The following AUTS2 variants were observed in gnomAD, a reference collection of about 807,000 sequenced individuals.
AUTS2 encodes autism susceptibility gene 2 protein.
AUTS2 carries 17 observed loss-of-function variants against 112.4 expected under a neutral mutation model. The observed-to-expected ratio is 0.15, with a 90% CI of 0.10 to 0.23. The LOEUF (loss-of-function observed/expected upper bound fraction) is 0.23. Among genes scored for constraint, AUTS2 ranks in the 10% least tolerant of loss-of-function variants. The pLI, the probability that AUTS2 is intolerant of heterozygous loss-of-function variation, is 1.00. For synonymous variants in AUTS2, 751 were observed against 702.7 expected (o/e 1.07, Z -1.09); for missense variants, 1,510 against 1,701.6 (o/e 0.89, Z 1.98).
intron 13 of AUTS2, 77 bp from the exon 14 acceptor site, chr7:70,777,026 T>A (rs985342801): frequency 1.4e-6 from 2 of 1,449,688 alleles, no homozygotes; most frequent in African/African-American, 2.8e-5. Context: ...CAAAATCTGC[T>A]GAAAGCTTTG....
chr7:70,067,348 G>A (rs1802542188), intron 2 of AUTS2, among the ~76,000 whole-genome samples: 1 of 152,164 alleles, frequency 6.6e-6, no homozygotes, highest in African/African-American at 2.4e-5. Flanking sequence ...AAAGTAATAA[G>A]GAGGTACTAC....
intron 1 of AUTS2, among the ~76,000 whole-genome samples, chr7:69,638,705 G>A (rs910527879): frequency 2.0e-5 from 3 of 152,002 alleles, no homozygotes; most frequent in Non-Finnish European, 4.4e-5. Flanking sequence ...TTTACTTCAA[G>A]CAGTATTGCC....
chr7:70,030,708 C>A (rs1331721930), intron 2 of AUTS2, among the ~76,000 whole-genome samples: 1 of 152,072 alleles, frequency 6.6e-6, no homozygotes, highest in East Asian at 1.9e-4. Context: ...GTCATTGTAC[C>A]CAAAACTCTG....
intron 4 of AUTS2, among the ~76,000 whole-genome samples, chr7:70,371,840 T>G (rs945110388): frequency 6.6e-6 from 1 of 152,208 alleles, no homozygotes; most frequent in Non-Finnish European, 1.5e-5. Context: ...TATGCAAACC[T>G]TGACCTTTGT....
At chr7:70,423,853 C>T (rs1361253757) in intron 4 of AUTS2, among the ~76,000 whole-genome samples, 1 of 152,064 alleles carries the variant, frequency 6.6e-6, no homozygotes, top group Non-Finnish European at 1.5e-5. Context: ...TAAACACGTC[C>T]TGAGCAGAAA....
chr7:70,312,964 C>G (rs923738408), intron 4 of AUTS2, among the ~76,000 whole-genome samples: 1 of 152,190 alleles, frequency 6.6e-6, no homozygotes, highest in South Asian at 2.1e-4. Flanking sequence ...TCAGATTGCT[C>G]TAGTTGTGGA....
At chr7:70,394,628 G>C (rs1353198987) in intron 4 of AUTS2, among the ~76,000 whole-genome samples, 1 of 152,214 alleles carries the variant, frequency 6.6e-6, no homozygotes, top group East Asian at 1.9e-4. Context: ...GATTCTCAGT[G>C]GCACAGAGGA....
chr7:69,711,489 A>G (rs560164658), intron 1 of AUTS2, among the ~76,000 whole-genome samples: 24 of 152,120 alleles, frequency 1.6e-4, no homozygotes, highest in African/African-American at 5.5e-4. Flanking sequence ...TTAGAGATAC[A>G]TTTTTCTTGG....
At chr7:70,777,237 G>A (rs572517447) in intron 14 of AUTS2, 63 bp downstream of exon 14, 90 of 1,444,332 alleles carry the variant, frequency 6.2e-5, no homozygotes, top group South Asian at 4.7e-4. Flanking sequence ...TGACGTGCTC[G>A]GGAGAACCTG....
At chr7:69,641,438 A>G (rs1794793248) in intron 1 of AUTS2, among the ~76,000 whole-genome samples, 1 of 150,282 alleles carries the variant, frequency 6.7e-6, no homozygotes, top group Non-Finnish European at 1.5e-5. Context: ...GCCTTATCAT[A>G]ATCTGCTTTG....
rs79312337 is a variant in AUTS2 at position 70,127,452 on chromosome 7, C to T, written c.625-7084C>T. Reference sequence around the variant, plus strand: ...ACGCTTGGCCTATTTTATTTCTGTTCTTTTTTCTTTCTTTGTTTTTCTTTT... The same window carrying T: ...ACGCTTGGCCTATTTTATTTCTGTTTTTTTTTCTTTCTTTGTTTTTCTTTT... On this transcript the variant is annotated intron_variant, in intron 3 of 18. Transcript: ENST00000342771. Among the ~76,000 whole-genome samples the T allele has an allele frequency of 6.6e-4, 100 of 152,218 alleles. 1 individual carries two copies. In the Middle Eastern group the frequency reaches 0.01, roughly 16 times the overall value.
intron 5 of AUTS2, among the ~76,000 whole-genome samples, chr7:70,554,380 TTTTCTTTTC>T (rs1200959789): frequency 8.2e-4 from 122 of 149,030 alleles, no homozygotes; most frequent in Non-Finnish European, 1.5e-3. Flanking sequence ...CTTTTTTTTC[TTTTCTTTTC>T]TTTCTTTTTT....
intron 5 of AUTS2, among the ~76,000 whole-genome samples, chr7:70,585,096 G>T (rs1802621395): frequency 6.6e-6 from 1 of 152,222 alleles, no homozygotes; most frequent in African/African-American, 2.4e-5. Context: ...TTGGTAACCA[G>T]TTGGGAGCTG....
chr7:70,067,402 CTAA>C (rs1802544970), intron 2 of AUTS2, among the ~76,000 whole-genome samples: 9 of 152,294 alleles, frequency 5.9e-5, no homozygotes, highest in Admixed American at 5.9e-4. Context: ...AGTGAGACTA[CTAA>C]CTTCTGGGAA....
chr7:70,191,327 C>G (rs1584858707), intron 4 of AUTS2, among the ~76,000 whole-genome samples: 1 of 151,946 alleles, frequency 6.6e-6, no homozygotes, highest in East Asian at 1.9e-4. Context: ...GCCACCATGC[C>G]TGGCTAATTT....
chr7:70,334,739 G>A (rs1790912397), intron 4 of AUTS2, among the ~76,000 whole-genome samples: 1 of 152,140 alleles, frequency 6.6e-6, no homozygotes, highest in East Asian at 1.9e-4. Flanking sequence ...GTAGAAAAGT[G>A]TCATGTAAAA....
chr7:70,703,727 A>G (rs1486179164), intron 6 of AUTS2, among the ~76,000 whole-genome samples: 1 of 152,172 alleles, frequency 6.6e-6, no homozygotes, highest in African/African-American at 2.4e-5. Context: ...TGCCCGTTTC[A>G]GTCTCTGTAA....
At chr7:70,188,487 G>A (rs1434310927) in intron 4 of AUTS2, among the ~76,000 whole-genome samples, 1 of 152,134 alleles carries the variant, frequency 6.6e-6, no homozygotes, top group Non-Finnish European at 1.5e-5. Context: ...ATGGAGGGAT[G>A]GTCTTTAGTC....
rs555185816 is a variant in AUTS2, at chr7:69,765,154, G to A, written c.310-134132G>A. On this transcript the variant is annotated intron_variant, in intron 1 of 18. Coordinates refer to ENST00000342771, the MANE Select transcript of AUTS2 (RefSeq NM_015570.4). ...TTATATTGTCTTCTCTCCACTGGGC[G>A]GATTACATGTAGCAATCCAAAATTG... 1.5e-4 allele frequency among the ~76,000 whole-genome samples: 23 copies of A among 152,242 alleles called. No individual in the cohort carries two copies. The South Asian group carries it at 4.4e-3, about 29-fold the overall frequency.
Sources: gnomAD v4.1 joint callset for allele counts (sites outside exome capture counted in the v4.1 genomes callset) on GRCh38, gnomAD v4.1.1 for gene constraint, MANE v1.5 for transcripts, NCBI Gene and HGNC (gene_info 2026-07-23, HGNC 2026-07-21) for gene names.